The following TCL1B variants were observed in gnomAD, a reference collection of about 807,000 sequenced individuals.
TCL1B encodes TCL1 family AKT coactivator B, also known as T-cell leukemia/lymphoma protein 1B.
In TCL1B, 14 loss-of-function variants were observed where a neutral mutation model predicts 16.9. That is an observed-to-expected ratio of 0.83 (90% confidence interval 0.55 to 1.30). The LOEUF (loss-of-function observed/expected upper bound fraction) is 1.30. Among genes scored for constraint, TCL1B ranks in the 50% most tolerant of loss-of-function variants. TCL1B has a pLI of 0.00. For synonymous variants in TCL1B, 79 were observed against 66.6 expected (o/e 1.19, Z -0.91); for missense variants, 166 against 165.2 (o/e 1.00, Z -0.03).
At chr14:95,690,644 G>T in intron 1 of TCL1B, 92 bp from the exon 2 acceptor site, 1 of 1,401,828 alleles carries the variant, frequency 7.1e-7, no homozygotes, top group South Asian at 1.3e-5. Flanking sequence ...ATTTACCTCT[G>T]ACCCTGGCAG....
intron 1 of TCL1B, among the ~76,000 whole-genome samples, chr14:95,689,115 T>C (rs529395274): frequency 1.3e-5 from 2 of 151,664 alleles, no homozygotes; most frequent in South Asian, 2.1e-4. Context: ...TGAAACCCCG[T>C]CTCTACTAAA....
At position 95,690,840 on chromosome 14, in the gene TCL1B, G is replaced by C; in HGVS notation, c.267G>C (p.Gln89His). 1 of 1,614,134 alleles carries C rather than the reference G, an allele frequency of 6.2e-7. No individual in the cohort carries two copies. Among genetic ancestry groups the C allele is most frequent in the South Asian group, 1.1e-5 (1 of 91,086 alleles). ...TCTCCCAGCTGCCCGCCGTGTGGCA[G>C]CTCTACCCCGGGAGGAAGTACCGAG... ...MPFSQLPAVW[Q>H]LYPGRKYRAA... Residue 89 changes from glutamine to histidine, a missense_variant, in exon 2 of 4, where the codon CAG (glutamine) becomes CAC (histidine). Coordinates refer to ENST00000340722, the MANE Select transcript of TCL1B (RefSeq NM_004918.4).
chr14:95,686,961 G>A (rs1049255759), intron 1 of TCL1B, among the ~76,000 whole-genome samples: 10 of 152,248 alleles, frequency 6.6e-5, no homozygotes, highest in Non-Finnish European at 2.9e-5. Context: ...TTTGTGGGAT[G>A]AGTAGGAGTT....
At chr14:95,691,018 GT>G in intron 2 of TCL1B, 112 bp downstream of exon 2, 3 of 1,326,308 alleles carry the variant, frequency 2.3e-6, no homozygotes, top group Non-Finnish European at 3.1e-6. Context: ...TCCTCTTCCT[GT>G]TGCTCAAGTC....
intron 1 of TCL1B, among the ~76,000 whole-genome samples, chr14:95,688,528 G>A (rs1743525): frequency 0.98 from 148,677 of 152,288 alleles, 72,795 homozygotes; most frequent in Middle Eastern, 1. Context: ...ATTTCTCAAA[G>A]AAAGAATTAC....
chr14:95,691,236 A>G (rs749055735), intron 2 of TCL1B, 32 bp from the exon 3 acceptor site: 117 of 1,609,152 alleles, frequency 7.3e-5, no homozygotes, highest in African/African-American at 9.4e-5. Flanking sequence ...AGCATCTCCC[A>G]GAGGTTCTGA....
At chr14:95,687,788 T>TA (rs1260565210) in intron 1 of TCL1B, among the ~76,000 whole-genome samples, 1 of 151,806 alleles carries the variant, frequency 6.6e-6, no homozygotes, top group African/African-American at 2.4e-5. Flanking sequence ...CCGTCTCTAC[T>TA]AAAAATACAA....
At chr14:95,688,823 C>G (rs1339038332) in intron 1 of TCL1B, among the ~76,000 whole-genome samples, 1 of 152,182 alleles carries the variant, frequency 6.6e-6, no homozygotes, top group East Asian at 1.9e-4. Context: ...TCAGAGTGGT[C>G]TCATTCATAA....
At chr14:95,686,694 C>A (rs1048824208) in intron 1 of TCL1B, 65 bp downstream of exon 1, 2 of 1,504,578 alleles carry the variant, frequency 1.3e-6, no homozygotes, top group Non-Finnish European at 8.9e-7. Flanking sequence ...CCGTGTGGGA[C>A]CGCGGTGGGG....
intron 1 of TCL1B, among the ~76,000 whole-genome samples, 198 bp downstream of exon 1, chr14:95,686,827 A>G (rs1885773017): frequency 6.6e-6 from 1 of 152,212 alleles, no homozygotes; most frequent in Admixed American, 6.5e-5. Context: ...CACAGGCACA[A>G]GCTTATCCAC....
chr14:95,692,329 ACT>A lies in TCL1B; in HGVS notation c.*416_*417del, dbSNP rs1238305375. On this transcript the variant is annotated 3_prime_UTR_variant, in exon 4 of 4. Coordinates refer to ENST00000340722, the MANE Select transcript of TCL1B (RefSeq NM_004918.4). ...CCCCCAGTGCAGCTCGTGATTGGAAACTCACCATCGGCAGGCAGTGGTTCGGT... is the reference window on the plus strand; with the variant it reads ...CCCCCAGTGCAGCTCGTGATTGGAAACACCATCGGCAGGCAGTGGTTCGGT... 1 of 151,818 alleles carries A rather than the reference ACT, an allele frequency of 6.6e-6. No homozygotes were observed. The highest frequency in any genetic ancestry group is 1.5e-5 in the Non-Finnish European group (1 of 68,076). 9.4% of individuals were successfully genotyped at this position (151,818 alleles called of 1,614,324 possible). A position where few individuals can be genotyped will look rare whatever the true frequency, so the allele number is the denominator to read the frequency against.
intron 1 of TCL1B, among the ~76,000 whole-genome samples, 168 bp from the exon 2 acceptor site, chr14:95,690,568 C>T (rs1566740492): frequency 6.6e-6 from 1 of 151,906 alleles, no homozygotes; most frequent in Non-Finnish European, 1.5e-5. Context: ...GCCAGAAGGG[C>T]CCCAGCCATC....
At chr14:95,687,951 C>CAAAAAAA (rs36096166) in intron 1 of TCL1B, among the ~76,000 whole-genome samples, 1 of 108,712 alleles carries the variant, frequency 9.2e-6, no homozygotes, top group Non-Finnish European at 1.7e-5. Flanking sequence ...GACTCCGTCC[C>CAAAAAAA]AAAAAAAAAA....
chr14:95,691,692 A>C (rs1885890464), intron 3 of TCL1B: 1 of 215,814 alleles, frequency 4.6e-6, no homozygotes, highest in African/African-American at 2.3e-5. Flanking sequence ...CGGTGAATCT[A>C]GTGATCTCGG....
chr14:95,687,990 A>C (rs2139703711), intron 1 of TCL1B, among the ~76,000 whole-genome samples: 1 of 148,580 alleles, frequency 6.7e-6, no homozygotes, highest in East Asian at 2.0e-4. Context: ...GTCTTCGTAA[A>C]CAATTCACTG....
At chr14:95,691,417 G>A (rs954605093) in intron 3 of TCL1B, 81 bp downstream of exon 3, 1 of 1,321,066 alleles carries the variant, frequency 7.6e-7, no homozygotes. Flanking sequence ...AAGACGGCGT[G>A]GCCTCCTCCT....
chr14:95,686,932 G>A (rs1485728583), intron 1 of TCL1B, among the ~76,000 whole-genome samples: 3 of 152,190 alleles, frequency 2.0e-5, no homozygotes, highest in Non-Finnish European at 4.4e-5. Context: ...CCACAAATGG[G>A]GCAGCTATTG....
rs1346963034 is a variant in TCL1B at position 95,692,443 on chromosome 14, A to G, written c.*528A>G. ...AGTTCTGCTGACACTTTGGCCCGAA[A>G]TAGATCCAGTGCTGAGCAAGCAATG... On this transcript the variant is annotated 3_prime_UTR_variant, in exon 4 of 4. Coordinates refer to ENST00000340722, the MANE Select transcript of TCL1B (RefSeq NM_004918.4). The G allele has an allele frequency of 6.6e-6, 1 of 152,408 alleles. No homozygotes were observed. The highest frequency in any genetic ancestry group is 1.5e-5 in the Non-Finnish European group (1 of 68,222). 9.4% of individuals were successfully genotyped at this position (152,408 alleles called of 1,614,324 possible).
intron 2 of TCL1B, 71 bp downstream of exon 2, chr14:95,690,977 G>A (rs1885873852): frequency 6.4e-7 from 1 of 1,559,356 alleles, no homozygotes; most frequent in Non-Finnish European, 8.7e-7. Context: ...TCTCTCTTCT[G>A]TGCCCCTGGC....
Sources: allele counts gnomAD v4.1 joint callset (sites outside exome capture counted in the v4.1 genomes callset), GRCh38; gene constraint gnomAD v4.1.1; transcripts MANE v1.5; gene names NCBI Gene and HGNC (gene_info 2026-07-23, HGNC 2026-07-21).